The following CADM1 variants were observed in gnomAD, a reference collection of about 807,000 sequenced individuals.
CADM1 encodes the protein TSLC-1.
A neutral mutation model predicts 53.1 loss-of-function variants in CADM1; 15 were observed. The observed-to-expected ratio is 0.28, with a 90% CI of 0.19 to 0.44. CADM1 has a LOEUF of 0.44. CADM1 is among the 20% of genes least tolerant of loss of function. The pLI, the probability that CADM1 is intolerant of heterozygous loss-of-function variation, is 1.00. For missense variants in CADM1, 434 were observed against 611.3 expected (o/e 0.71, Z 3.06); for synonymous variants, 281 against 243.0 (o/e 1.16, Z -1.45).
intron 1 of CADM1, among the ~76,000 whole-genome samples, chr11:115,328,866 A>G (rs922341216): frequency 1.8e-4 from 26 of 147,616 alleles, no homozygotes; most frequent in African/African-American, 6.4e-4. Flanking sequence ...AGACAAGGAA[A>G]GAAAGAAGAA....
chr11:115,211,741 G>A (rs889635234), intron 7 of CADM1, among the ~76,000 whole-genome samples: 2 of 151,078 alleles, frequency 1.3e-5, no homozygotes, highest in African/African-American at 2.4e-5. Context: ...CACCCACCTC[G>A]GCCTCCCAAA....
chr11:115,384,409 T>C lies in CADM1; in HGVS notation c.124+119862A>G, dbSNP rs78177278. Reference sequence around the variant, plus strand: ...CAGTTAAGGGCAAATCCATTGAGAGTCACCCTTAAACCTAGACTCTTCCCT... The same window carrying C: ...CAGTTAAGGGCAAATCCATTGAGAGCCACCCTTAAACCTAGACTCTTCCCT... On this transcript the variant is annotated intron_variant, in intron 1 of 11. Transcript: ENST00000331581. Among the ~76,000 whole-genome samples, 12 of 152,200 alleles carry C rather than the reference T, an allele frequency of 7.9e-5. No individual in the cohort carries two copies. The East Asian group carries it at 2.3e-3, about 29-fold the overall frequency.
At chr11:115,401,476 C>T (rs1441565907) in intron 1 of CADM1, among the ~76,000 whole-genome samples, 4 of 152,108 alleles carry the variant, frequency 2.6e-5, no homozygotes, top group Non-Finnish European at 5.9e-5. Flanking sequence ...GGCATGGTGG[C>T]GCACGCCTGT....
At chr11:115,185,641 T>C (rs1939506199) in intron 10 of CADM1, among the ~76,000 whole-genome samples, 1 of 152,198 alleles carries the variant, frequency 6.6e-6, no homozygotes, top group Admixed American at 6.5e-5. Flanking sequence ...CCAAGGCATT[T>C]AACACCGCCA....
intron 1 of CADM1, among the ~76,000 whole-genome samples, chr11:115,243,542 T>C (rs998919473): frequency 6.6e-6 from 1 of 152,176 alleles, no homozygotes. Flanking sequence ...AATGACCTAT[T>C]TATTTGAGGC....
Position 115,175,426 on chromosome 11 carries a change from C to T in CADM1, c.*1048G>A, listed in dbSNP as rs74721216. On this transcript the variant is annotated 3_prime_UTR_variant, in exon 12 of 12. Transcript: ENST00000331581. ...CCCATTCAGTCATTCGCACAACAGA[C>T]GAACTTGCTTTTTCCTACAAATTAG... 2,571 of 984,832 alleles carry T rather than the reference C, an allele frequency of 2.6e-3. 41 individuals carry two copies. The African/African-American group carries it at 0.032, about 12-fold the overall frequency. The allele number at this position is 984,832 out of a possible 1,614,324, so 61.0% of individuals were successfully genotyped here. A position where few individuals can be genotyped will look rare whatever the true frequency, so the allele number is the denominator to read the frequency against.
At chr11:115,469,794 C>T (rs553068439) in intron 1 of CADM1, among the ~76,000 whole-genome samples, 127 of 151,632 alleles carry the variant, frequency 8.4e-4, no homozygotes, top group African/African-American at 2.9e-3. Context: ...GCCTCAGCCT[C>T]CCGAGAAGCT....
chr11:115,259,802 A>G (rs1290548340), intron 1 of CADM1, among the ~76,000 whole-genome samples: 32 of 152,116 alleles, frequency 2.1e-4, no homozygotes, highest in Admixed American at 2.1e-3. Flanking sequence ...ACTCTTCAGC[A>G]TCGTTTTCTC....
At chr11:115,215,975 A>T (rs1043568284) in intron 6 of CADM1, among the ~76,000 whole-genome samples, 1 of 152,180 alleles carries the variant, frequency 6.6e-6, no homozygotes, top group Non-Finnish European at 1.5e-5. Flanking sequence ...TTAATTACAC[A>T]TGGGTTTGTC....
intron 1 of CADM1, among the ~76,000 whole-genome samples, chr11:115,326,504 T>C (rs1944963246): frequency 6.6e-6 from 1 of 152,140 alleles, no homozygotes; most frequent in African/African-American, 2.4e-5. Flanking sequence ...ATACAAATAT[T>C]TCACTAAATA....
intron 1 of CADM1, among the ~76,000 whole-genome samples, chr11:115,433,405 C>T (rs1315337967): frequency 1.3e-5 from 2 of 152,196 alleles, no homozygotes; most frequent in Non-Finnish European, 2.9e-5. Flanking sequence ...AGTCAATAAG[C>T]CTCCTTAGCT....
At chr11:115,264,133 T>G (rs1373345675) in intron 1 of CADM1, among the ~76,000 whole-genome samples, 1 of 152,212 alleles carries the variant, frequency 6.6e-6, no homozygotes, top group Non-Finnish European at 1.5e-5. Flanking sequence ...TTTTTATTAA[T>G]GCTCTTCTGA....
At chr11:115,247,452 A>T (rs953858604) in intron 1 of CADM1, among the ~76,000 whole-genome samples, 7 of 152,146 alleles carry the variant, frequency 4.6e-5, no homozygotes, top group African/African-American at 1.7e-4. Context: ...GGCCTGGTTT[A>T]AAAAAAAGGC....
chr11:115,478,107 G>A (rs955520283), intron 1 of CADM1, among the ~76,000 whole-genome samples: 4 of 152,036 alleles, frequency 2.6e-5, no homozygotes, highest in East Asian at 3.8e-4. Context: ...GAAATTTCAC[G>A]TATCCCAATA....
At chr11:115,253,807 C>G (rs1330793687) in intron 1 of CADM1, among the ~76,000 whole-genome samples, 2 of 152,188 alleles carry the variant, frequency 1.3e-5, no homozygotes, top group Admixed American at 6.5e-5. Context: ...TTCTTGATGT[C>G]TAACTCACAC....
intron 8 of CADM1, among the ~76,000 whole-genome samples, chr11:115,206,691 T>C (rs562898738): frequency 1.4e-5 from 2 of 146,280 alleles, no homozygotes; most frequent in East Asian, 4.2e-4. Flanking sequence ...AATGAAACCC[T>C]GACCTAGGGA....
chr11:115,208,785 C>A (rs1375840642), intron 8 of CADM1, among the ~76,000 whole-genome samples: 2 of 152,082 alleles, frequency 1.3e-5, no homozygotes, highest in South Asian at 2.1e-4. Context: ...CAGAAGAAAC[C>A]CCATGGCTCC....
chr11:115,270,447 A>G (rs1943265984), intron 1 of CADM1, among the ~76,000 whole-genome samples: 1 of 152,162 alleles, frequency 6.6e-6, no homozygotes, highest in Non-Finnish European at 1.5e-5. Flanking sequence ...TCTATTCCCC[A>G]TAACTTCTGG....
chr11:115,373,683 C>T (rs1946370246), intron 1 of CADM1, among the ~76,000 whole-genome samples: 1 of 150,632 alleles, frequency 6.6e-6, no homozygotes, highest in Non-Finnish European at 1.5e-5. Context: ...TGGGAGGTTC[C>T]ATTTAAGTAT....
Sources: allele counts gnomAD v4.1 joint callset (sites outside exome capture counted in the v4.1 genomes callset), GRCh38; gene constraint gnomAD v4.1.1; transcripts MANE v1.5; gene names NCBI Gene and HGNC (gene_info 2026-07-23, HGNC 2026-07-21).